The following ROBO2 variants were observed in gnomAD, a reference collection of about 807,000 sequenced individuals.
The protein encoded by ROBO2 is roundabout homolog 2.
In ROBO2, 53 loss-of-function variants were observed where a neutral mutation model predicts 160.8. The observed-to-expected ratio is 0.33, with a 90% CI of 0.26 to 0.41. The LOEUF (loss-of-function observed/expected upper bound fraction) is 0.41, where lower values mean the gene tolerates loss of function less well. ROBO2 is among the 10% of genes least tolerant of loss of function. The probability of loss-of-function intolerance (pLI) is 1.00; values close to 1 mark genes in which losing one functional copy is unlikely to be tolerated. For synonymous variants in ROBO2, 664 were observed against 611.7 expected, an observed-to-expected ratio of 1.09 and a Z score of -1.26; for missense variants, 1,577 against 1,722.4, an observed-to-expected ratio of 0.92 and a Z score of 1.49.
intron 2 of ROBO2, among the ~76,000 whole-genome samples, chr3:77,292,008 G>C (rs573710571): frequency 6.6e-6 from 1 of 151,762 alleles, no homozygotes; most frequent in African/African-American, 2.4e-5. Flanking sequence ...GGTAAGCTGA[G>C]GCTAGATCAC....
At chr3:77,230,460 A>G (rs2087036059) in intron 2 of ROBO2, among the ~76,000 whole-genome samples, 1 of 152,220 alleles carries the variant, frequency 6.6e-6, no homozygotes, top group African/African-American at 2.4e-5. Flanking sequence ...ACATTAACCT[A>G]GATTTATTTG....
chr3:76,216,464 G>C (rs1309821128), intron 2 of ROBO2, among the ~76,000 whole-genome samples: 3 of 152,142 alleles, frequency 2.0e-5, no homozygotes, highest in African/African-American at 7.2e-5. Flanking sequence ...GATGGAGGAA[G>C]ATCTACCAAG....
At chr3:76,436,917 G>A (rs1021302448) in intron 2 of ROBO2, among the ~76,000 whole-genome samples, 2 of 152,252 alleles carry the variant, frequency 1.3e-5, no homozygotes, top group Admixed American at 6.5e-5. Context: ...AAACTGCAAG[G>A]CCAATTTGTT....
intron 2 of ROBO2, among the ~76,000 whole-genome samples, chr3:76,220,361 C>T (rs373508692): frequency 1.3e-5 from 2 of 151,764 alleles, no homozygotes; most frequent in East Asian, 1.9e-4. Flanking sequence ...AAAAAAAACT[C>T]GATCCCCAGT....
intron 2 of ROBO2, among the ~76,000 whole-genome samples, chr3:76,683,253 C>CT (rs1216288645): frequency 6.6e-6 from 1 of 151,800 alleles, no homozygotes; most frequent in East Asian, 1.9e-4. Context: ...TTGAAAATAA[C>CT]TTAAGACACT....
chr3:75,969,283 A>C (rs1388329644), intron 2 of ROBO2, among the ~76,000 whole-genome samples: 1 of 151,306 alleles, frequency 6.6e-6, no homozygotes. Context: ...GGGAATACAG[A>C]TATATCTTTC....
chr3:76,744,130 A>G (rs1356073931), intron 2 of ROBO2, among the ~76,000 whole-genome samples: 1 of 152,194 alleles, frequency 6.6e-6, no homozygotes, highest in Non-Finnish European at 1.5e-5. Context: ...TGAAGTTAGA[A>G]GATGAGAGTT....
rs1476608057 is a variant in ROBO2 at position 76,865,902 on chromosome 3, AT to A, written c.110-232108del. ...TTAGGATCAATTATAGCTACCTTGT[AT>A]TTTAGTAGGTACTTCAGCATGATTT... On this transcript the variant is annotated intron_variant, in intron 2 of 26. Coordinates refer to the ROBO2 transcript ENST00000487694. 3.3e-5 allele frequency among the ~76,000 whole-genome samples: 5 copies of A among 152,226 alleles called. No individual in the cohort carries two copies. In the East Asian group the frequency reaches 9.6e-4, roughly 29 times the overall value.
At chr3:77,602,673 ACCACCACCACCACCACCGCCGCCG>A (rs1000493054) in intron 20 of ROBO2, among the ~76,000 whole-genome samples, 182 bp downstream of exon 21, 5 of 122,832 alleles carry the variant, frequency 4.1e-5, no homozygotes, top group African/African-American at 1.2e-4. Flanking sequence ...CACCACCACC[ACCACCACCACCACCACCGCCGCCG>A]CCACCACCAC....
At chr3:76,759,593 A>G (rs2061182479) in intron 2 of ROBO2, among the ~76,000 whole-genome samples, 1 of 151,778 alleles carries the variant, frequency 6.6e-6, no homozygotes, top group African/African-American at 2.4e-5. Flanking sequence ...TGATGCAGAA[A>G]CATGAAAGGG....
chr3:76,733,827 G>A (rs1401315529), intron 2 of ROBO2, among the ~76,000 whole-genome samples: 1 of 152,152 alleles, frequency 6.6e-6, no homozygotes, highest in Admixed American at 6.5e-5. Context: ...TACACAACAT[G>A]CATTTATTTC....
intron 2 of ROBO2, among the ~76,000 whole-genome samples, chr3:76,754,482 T>C (rs2060855984): frequency 6.6e-6 from 1 of 151,866 alleles, no homozygotes; most frequent in South Asian, 2.1e-4. Flanking sequence ...TGTGTTTTAT[T>C]TATGTTCTAG....
At chr3:77,178,308 G>A (rs913177517) in intron 2 of ROBO2, among the ~76,000 whole-genome samples, 1 of 151,932 alleles carries the variant, frequency 6.6e-6, no homozygotes, top group African/African-American at 2.4e-5. Flanking sequence ...AATGCACAAA[G>A]ATACAGTGGC....
chr3:76,897,986 A>G (rs1054231618), intron 2 of ROBO2, among the ~76,000 whole-genome samples: 5 of 152,068 alleles, frequency 3.3e-5, no homozygotes, highest in African/African-American at 1.2e-4. Flanking sequence ...GGTTTTCTAA[A>G]GTATATTTTC....
chr3:77,091,798 AC>A (rs1482905474), intron 1 of ROBO2, among the ~76,000 whole-genome samples: 1 of 151,670 alleles, frequency 6.6e-6, no homozygotes, highest in African/African-American at 2.4e-5. Context: ...GGCCAATATG[AC>A]GAAAATCCGT....
intron 2 of ROBO2, among the ~76,000 whole-genome samples, chr3:76,333,062 C>T (rs2073610779): frequency 6.6e-6 from 1 of 152,132 alleles, no homozygotes; most frequent in Non-Finnish European, 1.5e-5. Context: ...TGCTGCAGGC[C>T]CTGGAGCCAC....
intron 2 of ROBO2, among the ~76,000 whole-genome samples, chr3:76,468,222 A>G (rs1392412371): frequency 1.3e-5 from 2 of 152,138 alleles, no homozygotes; most frequent in South Asian, 4.1e-4. Flanking sequence ...TTGGATAGCA[A>G]CTGGCAAAGT....
chr3:76,628,675 T>C (rs924439558), intron 2 of ROBO2, among the ~76,000 whole-genome samples: 1 of 152,218 alleles, frequency 6.6e-6, no homozygotes, highest in African/African-American at 2.4e-5. Flanking sequence ...TGCTTCTCTT[T>C]AAACAGCTGT....
At chr3:77,021,531 C>T (rs2062637264) in intron 2 of ROBO2, among the ~76,000 whole-genome samples, 2 of 152,162 alleles carry the variant, frequency 1.3e-5, no homozygotes, top group South Asian at 4.1e-4. Flanking sequence ...TTATAAGAAC[C>T]TCATTCCAGA....
Sources: allele counts gnomAD v4.1 joint callset (sites outside exome capture counted in the v4.1 genomes callset), GRCh38; gene constraint gnomAD v4.1.1; transcripts MANE v1.5; gene names NCBI Gene and HGNC (gene_info 2026-07-23, HGNC 2026-07-21).